NTN5: variants seen among roughly 807,000 people sequenced by gnomAD.
NTN5 encodes the protein netrin 5.
In NTN5, 42 loss-of-function variants were observed where a neutral mutation model predicts 38.7. The observed-to-expected ratio is 1.08, with a 90% CI of 0.85 to 1.40. The LOEUF (loss-of-function observed/expected upper bound fraction) is 1.40. Ranked by LOEUF, NTN5 falls within the 40% of genes most tolerant of loss-of-function variation. The pLI is 0.00. For missense variants in NTN5, 658 were observed against 716.5 expected, an observed-to-expected ratio of 0.92 and a Z score of 0.93; for synonymous variants, 329 against 303.9, an observed-to-expected ratio of 1.08 and a Z score of -0.86.
At position 48,671,025 on chromosome 19, in the gene NTN5, G is replaced by A; in HGVS notation, c.-20-19C>T. 3 of 1,471,550 alleles carry A rather than the reference G, an allele frequency of 2.0e-6. No homozygotes were observed. Among genetic ancestry groups the A allele is most frequent in the Non-Finnish European group, 2.7e-6 (3 of 1,109,808 alleles). The allele number at this position is 1,471,550 out of a possible 1,614,324, so 91.2% of individuals were successfully genotyped here. A position where few individuals can be genotyped will look rare whatever the true frequency, so the allele number is the denominator to read the frequency against. ...CCAGCACCTGGAGGGAAGAGAGGTGGCTGGGCTGGGGATCTCAGCCGCAGC... is the reference window on the plus strand; with the variant it reads ...CCAGCACCTGGAGGGAAGAGAGGTGACTGGGCTGGGGATCTCAGCCGCAGC... On this transcript the variant is annotated intron_variant, in intron 1 of 6. Coordinates refer to ENST00000270235, the MANE Select transcript of NTN5 (RefSeq NM_145807.4).
Position 48,664,169 on chromosome 19 carries a change from C to G in NTN5, c.944G>C (p.Ser315Thr). ...CTGGCAGGGCATCCTGGGGGAGCGG[C>G]TCTGCTGGTAGCCAGGGCCACAGCG... ...CNRCGPGYQQ[S>T]RSPRMPCQRI... The change falls in exon 4 of 7, where the codon AGC (serine) becomes ACC (threonine). Residue 315 changes from serine (S) to threonine (T), a missense_variant. Coordinates refer to ENST00000270235, the MANE Select transcript of NTN5 (RefSeq NM_145807.4). The G allele has an allele frequency of 6.2e-7, 1 of 1,609,022 alleles. No individual in the cohort carries two copies. The highest frequency in any genetic ancestry group is 8.5e-7 in the Non-Finnish European group (1 of 1,178,002).
chr19:48,669,354 TCAC>T (rs2031819760), intron 2 of NTN5, among the ~76,000 whole-genome samples: 1 of 2,310 alleles, frequency 4.3e-4, no homozygotes, highest in African/African-American at 1.9e-3. Flanking sequence ...ACCACCACCA[TCAC>T]CACCACCATC....
rs1463387203 is a variant in NTN5 at position 48,670,919 on chromosome 19, T to C, written c.68A>G (p.Gln23Arg). 1 of 1,597,888 alleles carries C rather than the reference T, an allele frequency of 6.3e-7. No homozygotes were observed. Among genetic ancestry groups the C allele is most frequent in the African/African-American group, 1.3e-5 (1 of 74,784 alleles). The change falls in exon 2 of 7, where the codon CAG (glutamine) becomes CGG (arginine). Residue 23 changes from glutamine to arginine, a missense_variant. By Grantham distance (43) the Gln-to-Arg change is conservative. Coordinates refer to ENST00000270235, the MANE Select transcript of NTN5 (RefSeq NM_145807.4). ...QATADPCYDPQGRPQFCLPPV... is the reference protein window; with the variant it reads ...QATADPCYDPRGRPQFCLPPV... ...CGGGAGGCAGAATTGGGGGCGGCCC[T>C]GTGGATCGTAGCATGGGTCCGCAGT...
intron 2 of NTN5, among the ~76,000 whole-genome samples, chr19:48,665,147 T>A (rs1447737322): frequency 2.0e-5 from 3 of 151,348 alleles, no homozygotes; most frequent in Non-Finnish European, 4.4e-5. Flanking sequence ...TGGTCTCACA[T>A]CTTTTAAATG....
Position 48,661,835 on chromosome 19 carries a change from C to A in NTN5, c.1312G>T (p.Asp438Tyr). Reference protein sequence around the residue: ...DYLLLGSAVGDPDPTRLILDR... With the variant: ...DYLLLGSAVGYPDPTRLILDR... ...AGGATGAGGCGCGTGGGGTCGGGGTCGCCCACGGCGCTGCCCAGCAGCAGG... is the reference window on the plus strand; with the variant it reads ...AGGATGAGGCGCGTGGGGTCGGGGTAGCCCACGGCGCTGCCCAGCAGCAGG... Residue 438 changes from aspartate to tyrosine, a missense_variant, in exon 7 of 7, where the codon GAC (aspartate) becomes TAC (tyrosine). Transcript: ENST00000270235. 7.5e-7 allele frequency: 1 copy of A among 1,331,430 alleles called. No homozygotes were observed. The highest frequency in any genetic ancestry group is 9.6e-7 in the Non-Finnish European group (1 of 1,045,470). The allele number at this position is 1,331,430 out of a possible 1,614,324, so 82.5% of individuals were successfully genotyped here.
Position 48,670,540 on chromosome 19 carries a change from C to T in NTN5, c.447G>A (p.Ala149=), listed in dbSNP as rs528998180. Residue 149 remains alanine, a synonymous_variant, in exon 2 of 7, where the codon GCG becomes GCA. Coordinates refer to ENST00000270235, the MANE Select transcript of NTN5 (RefSeq NM_145807.4). ...GGCAGCGGCCTCTCAGCCCAGCTGCCGCTAGCCCGGCCTGGCCCCCAAACT... is the reference window on the plus strand; with the variant it reads ...GGCAGCGGCCTCTCAGCCCAGCTGCTGCTAGCCCGGCCTGGCCCCCAAACT... ...RVEFGGQAGL[A]AAGLRGRCQC... The T allele has an allele frequency of 8.0e-6, 12 of 1,505,070 alleles. No individual in the cohort carries two copies. Among genetic ancestry groups the T allele is most frequent in the Middle Eastern group, 4.0e-4 (2 of 4,954 alleles). 93.2% of individuals were successfully genotyped at this position (1,505,070 alleles called of 1,614,324 possible). A position where few individuals can be genotyped will look rare whatever the true frequency, so the allele number is the denominator to read the frequency against.
At chr19:48,669,664 C>CCATCACCAT (rs1456433445) in intron 2 of NTN5, among the ~76,000 whole-genome samples, 1 of 104,106 alleles carries the variant, frequency 9.6e-6, no homozygotes, top group East Asian at 3.7e-4. Context: ...AACACCACCA[C>CCATCACCAT]CATCACCATC....
chr19:48,663,684 A>T, intron 5 of NTN5, 77 bp downstream of exon 5: 1 of 1,523,162 alleles, frequency 6.6e-7, no homozygotes. Flanking sequence ...TGACCCATGT[A>T]TCCCCATCTG....
rs777408698 is a variant in NTN5 at position 48,664,246 on chromosome 19, C to G, written c.867G>C (p.Gln289His). 31 of 1,612,902 alleles carry G rather than the reference C, an allele frequency of 1.9e-5. No individual in the cohort carries two copies. The highest frequency in any genetic ancestry group is 1.6e-4 in the Middle Eastern group (1 of 6,080). ...ACTTGCAGGTGCACTGCCCACTGGTCTGGTTGCAGGTTCCTCCTGTTGCCC... is the reference window on the plus strand; with the variant it reads ...ACTTGCAGGTGCACTGCCCACTGGTGTGGTTGCAGGTTCCTCCTGTTGCCC... ...PIGATGGTCN[Q>H]TSGQCTCKLG... is the part of the protein sequence containing the mutation. The change falls in exon 4 of 7, where the codon CAG (glutamine) becomes CAC (histidine). Residue 289 changes from glutamine to histidine, a missense_variant. Coordinates refer to ENST00000270235, the MANE Select transcript of NTN5 (RefSeq NM_145807.4).
intron 1 of NTN5, among the ~76,000 whole-genome samples, chr19:48,672,228 G>C (rs999957798): frequency 6.6e-6 from 1 of 152,174 alleles, no homozygotes; most frequent in Non-Finnish European, 1.5e-5. Context: ...GGGCGCCCGT[G>C]GGGGCAGAAG....
Position 48,670,935 on chromosome 19 carries a change from G to T in NTN5, c.52C>A (p.Pro18Thr). The change falls in exon 2 of 7, where the codon CCA (proline) becomes ACA (threonine). Residue 18 changes from proline (P) to threonine (T), a missense_variant. Coordinates refer to ENST00000270235, the MANE Select transcript of NTN5 (RefSeq NM_145807.4). ...LLLLGQATADPCYDPQGRPQF... is the reference protein window; with the variant it reads ...LLLLGQATADTCYDPQGRPQF... Reference sequence around the variant, plus strand: ...GGGCGGCCCTGTGGATCGTAGCATGGGTCCGCAGTGGCCTGGCCCAGGAGG... The same window carrying T: ...GGGCGGCCCTGTGGATCGTAGCATGTGTCCGCAGTGGCCTGGCCCAGGAGG... 12 of 1,580,120 alleles carry T rather than the reference G, an allele frequency of 7.6e-6. No homozygotes were observed. The highest frequency in any genetic ancestry group is 9.5e-6 in the Non-Finnish European group (11 of 1,161,884).
rs750798357 is a variant in NTN5 at position 48,663,759 on chromosome 19, A to G, written c.1024+2T>C. ...AGGGACCTCCGTGCCAGACTGTCTT[A>G]CCAGAGCTATAAGCACCAGGAGTAG... On this transcript the variant is annotated splice_donor_variant, in intron 5 of 6. Transcript: ENST00000270235. LOFTEE classifies it high-confidence loss of function. The G allele has an allele frequency of 1.9e-6, 3 of 1,613,852 alleles. No individual in the cohort carries two copies. The African/African-American group carries it at 4.0e-5, about 22-fold the overall frequency.
In NTN5 at chr19:48,661,674, C is replaced by A; in HGVS notation, c.*3G>T. ...TGGTGCTCGAGGCAGCCCCATCTCA[C>A]GTCTAGTGCTCCGGCCTGGGACTGG... On this transcript the variant is annotated 3_prime_UTR_variant, in exon 7 of 7. Coordinates refer to ENST00000270235, the MANE Select transcript of NTN5 (RefSeq NM_145807.4). The A allele has an allele frequency of 6.5e-7, 1 of 1,541,254 alleles. No individual in the cohort carries two copies. Among genetic ancestry groups the A allele is most frequent in the Admixed American group, 1.9e-5 (1 of 51,352 alleles).
chr19:48,662,357 G>A (rs2031573136), intron 6 of NTN5: 1 of 245,338 alleles, frequency 4.1e-6, no homozygotes, highest in Non-Finnish European at 7.8e-6. Flanking sequence ...GGGAAGGAGG[G>A]GTCACATTGC....
At chr19:48,668,732 G>T (rs1294583596) in intron 2 of NTN5, among the ~76,000 whole-genome samples, 2 of 152,116 alleles carry the variant, frequency 1.3e-5, no homozygotes, top group Non-Finnish European at 2.9e-5. Flanking sequence ...CTGTAAAATG[G>T]GCCTGATGAC....
In NTN5 at chr19:48,670,493, C is replaced by T. The variant is rs779435702; in HGVS notation, c.494G>A (p.Arg165His). 10 of 1,478,314 alleles carry T rather than the reference C, an allele frequency of 6.8e-6. No individual in the cohort carries two copies. The highest frequency in any genetic ancestry group is 5.5e-5 in the South Asian group (4 of 72,122). 91.6% of individuals were successfully genotyped at this position (1,478,314 alleles called of 1,614,324 possible). A position where few individuals can be genotyped will look rare whatever the true frequency, so the allele number is the denominator to read the frequency against. ...GRCQCHGHAA[R>H]CAARARPPRC... Reference sequence around the variant, plus strand: ...GGGGGGCCGGGCACGGGCGGCACAGCGGGCAGCGTGGCCATGACACTGGCA... The same window carrying T: ...GGGGGGCCGGGCACGGGCGGCACAGTGGGCAGCGTGGCCATGACACTGGCA... The change falls in exon 2 of 7, where the codon CGC becomes CAC. Residue 165 changes from arginine (R) to histidine (H), a missense_variant. By Grantham distance (29) the Arg-to-His change is conservative. Transcript: ENST00000270235.
chr19:48,664,864 C>A, intron 2 of NTN5, 97 bp from the exon 3 acceptor site: 2 of 1,063,172 alleles, frequency 1.9e-6, no homozygotes, highest in Non-Finnish European at 2.6e-6. Context: ...GAAAGGAAGC[C>A]GTGAGTGTCC....
chr19:48,668,133 G>A (rs1203084493), intron 2 of NTN5, among the ~76,000 whole-genome samples: 1 of 152,098 alleles, frequency 6.6e-6, no homozygotes, highest in Non-Finnish European at 1.5e-5. Context: ...CATCGCATGG[G>A]ACATTCCTGG....
intron 2 of NTN5, 131 bp downstream of exon 2, chr19:48,670,225 A>G: frequency 1.0e-6 from 1 of 955,802 alleles, no homozygotes; most frequent in Non-Finnish European, 1.4e-6. Flanking sequence ...GAGGGGACCG[A>G]GTCTGAGACT....
Sources: gnomAD v4.1 joint callset for allele counts (sites outside exome capture counted in the v4.1 genomes callset) on GRCh38, gnomAD v4.1.1 for gene constraint, MANE v1.5 for transcripts, NCBI Gene and HGNC (gene_info 2026-07-23, HGNC 2026-07-21) for gene names.